GPR137B: variants seen among roughly 807,000 people sequenced by gnomAD.
The protein encoded by GPR137B is G protein-coupled receptor 137B, also known as integral membrane protein GPR137B.
Under a neutral mutation model 42.5 loss-of-function variants are expected in GPR137B, and 42 were observed. The observed-to-expected ratio is 0.99, with a 90% CI of 0.77 to 1.28. The LOEUF (loss-of-function observed/expected upper bound fraction) is 1.28. GPR137B is among the 50% of genes most tolerant of loss of function. GPR137B has a pLI of 0.00. For missense variants in GPR137B, 487 were observed against 493.9 expected, an observed-to-expected ratio of 0.99 and a Z score of 0.13; for synonymous variants, 218 against 209.7, an observed-to-expected ratio of 1.04 and a Z score of -0.34.
chr1:236,207,249 C>T (rs1663690730), intron 6 of GPR137B: 3 of 985,286 alleles, frequency 3.0e-6, no homozygotes, highest in South Asian at 4.7e-5. Context: ...AAGAAAGCTG[C>T]CCAATGCGCT....
At chr1:236,185,544 A>T (rs1662995768) in intron 5 of GPR137B, among the ~76,000 whole-genome samples, 1 of 152,166 alleles carries the variant, frequency 6.6e-6, no homozygotes, top group African/African-American at 2.4e-5. Flanking sequence ...GTAAAGTTTG[A>T]GAATCTCTGT....
chr1:236,199,779 TTTTG>T (rs1198222377), intron 5 of GPR137B, among the ~76,000 whole-genome samples: 1 of 152,062 alleles, frequency 6.6e-6, no homozygotes, highest in African/African-American at 2.4e-5. Flanking sequence ...GGTCTATCAA[TTTTG>T]TTTATCTTTT....
At chr1:236,168,905 T>A in intron 2 of GPR137B, 150 bp downstream of exon 2, 1 of 676,430 alleles carries the variant, frequency 1.5e-6, no homozygotes, top group South Asian at 1.7e-5. Context: ...ATTGTGCACA[T>A]CATGTGCATT....
chr1:236,177,911 G>A (rs1662734655), intron 2 of GPR137B, among the ~76,000 whole-genome samples: 2 of 151,770 alleles, frequency 1.3e-5, no homozygotes, highest in Non-Finnish European at 2.9e-5. Context: ...CATCAATAAT[G>A]ACTTTTGGGG....
At chr1:236,199,227 C>T (rs1663427725) in intron 5 of GPR137B, among the ~76,000 whole-genome samples, 1 of 151,994 alleles carries the variant, frequency 6.6e-6, no homozygotes, top group South Asian at 2.1e-4. Flanking sequence ...TTAAACCATC[C>T]CTGCATCCCT....
chr1:236,168,432 A>G (rs1662429449), intron 1 of GPR137B, among the ~76,000 whole-genome samples: 4 of 152,128 alleles, frequency 2.6e-5, no homozygotes. Context: ...TCGAAAAAAA[A>G]AAAAAAAAAG....
intron 5 of GPR137B, among the ~76,000 whole-genome samples, chr1:236,203,761 CTATTA>C (rs1553367003): frequency 6.6e-6 from 1 of 152,008 alleles, no homozygotes; most frequent in Non-Finnish European, 1.5e-5. Flanking sequence ...GTATTTGTGG[CTATTA>C]TAAGTGGGAT....
intron 1 of GPR137B, among the ~76,000 whole-genome samples, chr1:236,151,417 CATTTTTTTTT>C (rs1480852121): frequency 7.9e-6 from 1 of 126,570 alleles, no homozygotes; most frequent in East Asian, 3.2e-4. Flanking sequence ...GTTGCATATT[CATTTTTTTTT>C]TTTTTTTTTT....
At chr1:236,199,436 A>G (rs1428976227) in intron 5 of GPR137B, among the ~76,000 whole-genome samples, 10 of 152,140 alleles carry the variant, frequency 6.6e-5, no homozygotes, top group East Asian at 3.9e-4. Flanking sequence ...CTCTTTCACT[A>G]TCTTTTGGAA....
At chr1:236,161,955 C>G (rs772239487) in intron 1 of GPR137B, among the ~76,000 whole-genome samples, 2 of 151,970 alleles carry the variant, frequency 1.3e-5, no homozygotes, top group African/African-American at 4.8e-5. Flanking sequence ...GAAAAGATAC[C>G]CAAAAATGTG....
At chr1:236,160,307 G>A (rs1662149957) in intron 1 of GPR137B, among the ~76,000 whole-genome samples, 1 of 152,304 alleles carries the variant, frequency 6.6e-6, no homozygotes, top group South Asian at 2.1e-4. Context: ...GGGAAAGGAA[G>A]TGGGGCTCAT....
Position 236,156,044 on chromosome 1 carries a change from A to G in GPR137B, c.415-12662A>G, listed in dbSNP as rs1463806462. ...ATCATAGGCGCCAGGTGAGCCAAAC[A>G]GGACCATGCAGCGGAGCTCTCAGGA... On this transcript the variant is annotated intron_variant, in intron 1 of 6. Transcript: ENST00000366592. This position sits in a 1 kb window ranked among gnomAD's most constrained non-coding sequence, Gnocchi z 4.8. Among the ~76,000 whole-genome samples, 4 of 152,212 alleles carry G rather than the reference A, an allele frequency of 2.6e-5. No homozygotes were observed. The highest frequency in any genetic ancestry group is 2.6e-4 in the Admixed American group (4 of 15,288).
chr1:236,150,731 C>T lies in GPR137B; in HGVS notation c.414+7695C>T, dbSNP rs958737428. ...GTGGCACCTGCAGGCTTTGCTACGG[C>T]TTCTTGCTCACCTGCCTTTCCGTAG... On this transcript the variant is annotated intron_variant, in intron 1 of 6. Coordinates refer to ENST00000366592, the MANE Select transcript of GPR137B (RefSeq NM_003272.4). This position sits in a 1 kb window ranked among gnomAD's most constrained non-coding sequence, Gnocchi z 6.2. Among the ~76,000 whole-genome samples, 1 of 152,228 alleles carries T rather than the reference C, an allele frequency of 6.6e-6. No individual in the cohort carries two copies. The highest frequency in any genetic ancestry group is 1.5e-5 in the Non-Finnish European group (1 of 68,040).
intron 4 of GPR137B, 189 bp downstream of exon 4, chr1:236,180,217 A>T (rs144744384): frequency 1.8e-6 from 1 of 560,728 alleles, no homozygotes; most frequent in Non-Finnish European, 3.2e-6. Flanking sequence ...ATGATTTACA[A>T]TACCAAATAC....
chr1:236,206,203 G>A (rs979520499), intron 6 of GPR137B, among the ~76,000 whole-genome samples: 3 of 152,110 alleles, frequency 2.0e-5, no homozygotes, highest in African/African-American at 7.2e-5. Context: ...AACTCATTTA[G>A]TCTTAACAGT....
At chr1:236,158,503 C>T (rs1662096162) in intron 1 of GPR137B, among the ~76,000 whole-genome samples, 1 of 152,172 alleles carries the variant, frequency 6.6e-6, no homozygotes, top group African/African-American at 2.4e-5. Context: ...TGAGTATTTG[C>T]TGTTATTTCT....
At chr1:236,144,906 G>A (rs1383347142) in intron 1 of GPR137B, among the ~76,000 whole-genome samples, 2 of 152,252 alleles carry the variant, frequency 1.3e-5, no homozygotes, top group South Asian at 2.1e-4. Flanking sequence ...CTTAGAGCCG[G>A]ATTAGGGGCC....
chr1:236,178,438 C>A lies in GPR137B; in HGVS notation c.489C>A (p.Leu163=), dbSNP rs762446086. 3.1e-6 allele frequency: 5 copies of A among 1,613,668 alleles called. No individual in the cohort carries two copies. Among genetic ancestry groups the A allele is most frequent in the Non-Finnish European group, 4.2e-6 (5 of 1,179,924 alleles). ...KYRLPLYLAS[L]FISLVFLLVN... The stretch of plus-strand genomic sequence containing the variant: ...GGTTGCCCCTCTACCTGGCCTCCCT[C>A]TTCATCAGCCTTGTTTTCCTGTTGG... Residue 163 remains leucine (L), a synonymous_variant, in exon 3 of 7, where the codon CTC becomes CTA. Transcript: ENST00000366592.
At chr1:236,164,993 C>T (rs1036970517) in intron 1 of GPR137B, among the ~76,000 whole-genome samples, 6 of 152,022 alleles carry the variant, frequency 3.9e-5, no homozygotes, top group African/African-American at 1.4e-4. Flanking sequence ...CAACCTTTGC[C>T]TCCCGGGTTC....
Sources: gnomAD v4.1 joint callset for allele counts (sites outside exome capture counted in the v4.1 genomes callset) on GRCh38, gnomAD v4.1.1 for gene constraint, Gnocchi (gnomAD v3.1) non-coding constraint, MANE v1.5 for transcripts, NCBI Gene and HGNC (gene_info 2026-07-23, HGNC 2026-07-21) for gene names.